CAMK1D: variants seen among roughly 807,000 people sequenced by gnomAD.
CAMK1D encodes calcium/calmodulin dependent protein kinase ID, also known as calcium/calmodulin-dependent protein kinase type 1D.
CAMK1D carries 9 observed loss-of-function variants against 47.7 expected under a neutral mutation model. That is an observed-to-expected ratio of 0.19 (90% CI 0.11 to 0.33). CAMK1D has a LOEUF of 0.33. Ranked by LOEUF, CAMK1D falls within the 10% of genes least tolerant of loss-of-function variation. The pLI, the probability that CAMK1D is intolerant of heterozygous loss-of-function variation, is 1.00. For synonymous variants in CAMK1D, 184 were observed against 184.9 expected (o/e 0.99, Z 0.04); for missense variants, 291 against 488.7 (o/e 0.60, Z 3.81).
chr10:12,563,221 G>A (rs753275965), intron 2 of CAMK1D, among the ~76,000 whole-genome samples: 2 of 152,136 alleles, frequency 1.3e-5, no homozygotes, highest in Non-Finnish European at 2.9e-5. Flanking sequence ...CAGGTGTAGC[G>A]GCACGCACCT....
chr10:12,525,141 G>A (rs565378299), intron 1 of CAMK1D, among the ~76,000 whole-genome samples: 13 of 152,188 alleles, frequency 8.5e-5, no homozygotes, highest in African/African-American at 1.9e-4. Flanking sequence ...GATTTTCTCC[G>A]GCTAGTCTCA....
chr10:12,367,510 T>C (rs902146081), intron 1 of CAMK1D, among the ~76,000 whole-genome samples: 6 of 151,936 alleles, frequency 3.9e-5, no homozygotes, highest in Admixed American at 1.3e-4. Flanking sequence ...CCTATTATTA[T>C]ATTAAAATAT....
At chr10:12,713,517 A>G (rs535010799) in intron 3 of CAMK1D, among the ~76,000 whole-genome samples, 2 of 152,320 alleles carry the variant, frequency 1.3e-5, no homozygotes, top group South Asian at 4.1e-4. Flanking sequence ...ACAGTTGTTC[A>G]CTGGTGGCTT....
At chr10:12,421,066 CT>C (rs1840032889) in intron 1 of CAMK1D, among the ~76,000 whole-genome samples, 1 of 152,160 alleles carries the variant, frequency 6.6e-6, no homozygotes, top group Non-Finnish European at 1.5e-5. Context: ...GCCTTCTACA[CT>C]TTAGGAGACG....
intron 2 of CAMK1D, among the ~76,000 whole-genome samples, chr10:12,647,925 C>T (rs1252112491): frequency 6.6e-6 from 1 of 152,194 alleles, no homozygotes; most frequent in Non-Finnish European, 1.5e-5. Flanking sequence ...TAGGCCAAGG[C>T]AGGTCTGTGT....
chr10:12,797,241 C>G (rs956029607), intron 6 of CAMK1D, among the ~76,000 whole-genome samples: 1 of 151,170 alleles, frequency 6.6e-6, no homozygotes, highest in Non-Finnish European at 1.5e-5. Flanking sequence ...CTTTGTCACC[C>G]AGGCTGGAGT....
chr10:12,363,090 G>T (rs1212272586), intron 1 of CAMK1D, among the ~76,000 whole-genome samples: 1 of 151,564 alleles, frequency 6.6e-6, no homozygotes, highest in Non-Finnish European at 1.5e-5. Flanking sequence ...ACTGGTGCAC[G>T]CCAGCACACC....
chr10:12,432,752 C>A (rs1352498381), intron 1 of CAMK1D, among the ~76,000 whole-genome samples: 1 of 152,206 alleles, frequency 6.6e-6, no homozygotes, highest in Non-Finnish European at 1.5e-5. Context: ...CTTGCTTGCA[C>A]CCTGAAGATT....
chr10:12,684,535 A>G lies in CAMK1D; in HGVS notation c.299+17725A>G, dbSNP rs546479622. The stretch of plus-strand genomic sequence containing the variant: ...TCCTCAATATAGTAGAAGATGATCA[A>G]TTCATGATCTAAATACTAAAAGGCA... On this transcript the variant is annotated intron_variant, in intron 3 of 10. Coordinates refer to ENST00000619168, the MANE Select transcript of CAMK1D (RefSeq NM_153498.4). Among the ~76,000 whole-genome samples the G allele has an allele frequency of 4.6e-5, 7 of 152,344 alleles. No homozygotes were observed. In the South Asian group the frequency reaches 1.5e-3, roughly 32 times the overall value.
chr10:12,613,957 GTAA>G (rs1298481538), intron 2 of CAMK1D, among the ~76,000 whole-genome samples: 2 of 152,190 alleles, frequency 1.3e-5, no homozygotes, highest in Non-Finnish European at 2.9e-5. Flanking sequence ...CAGAGGCTGT[GTAA>G]TAATACCATG....
intron 1 of CAMK1D, among the ~76,000 whole-genome samples, chr10:12,450,475 G>C (rs7901627): frequency 1.3e-5 from 2 of 152,104 alleles, no homozygotes; most frequent in African/African-American, 4.8e-5. Context: ...AGACATAAAC[G>C]TGGCTCTCTA....
At chr10:12,434,740 A>T (rs1832578960) in intron 1 of CAMK1D, among the ~76,000 whole-genome samples, 1 of 152,236 alleles carries the variant, frequency 6.6e-6, no homozygotes. Context: ...TTTGATGTTC[A>T]CCGGGTAATG....
intron 1 of CAMK1D, among the ~76,000 whole-genome samples, chr10:12,516,280 T>C (rs972845983): frequency 2.0e-5 from 3 of 152,280 alleles, no homozygotes; most frequent in African/African-American, 7.2e-5. Flanking sequence ...GGCTAATTTT[T>C]GTATTTTTAG....
intron 2 of CAMK1D, among the ~76,000 whole-genome samples, chr10:12,606,001 A>C (rs1255809065): frequency 3.9e-5 from 6 of 152,222 alleles, no homozygotes; most frequent in Non-Finnish European, 7.3e-5. Context: ...AGCATTGCAA[A>C]GGTCATCGTA....
intron 2 of CAMK1D, among the ~76,000 whole-genome samples, chr10:12,564,703 A>G (rs771948420): frequency 4.6e-5 from 7 of 152,234 alleles, no homozygotes; most frequent in Non-Finnish European, 1.0e-4. Context: ...GAATATTTAA[A>G]AAATAGTTTT....
At chr10:12,735,649 C>A (rs1428642406) in intron 3 of CAMK1D, among the ~76,000 whole-genome samples, 1 of 152,150 alleles carries the variant, frequency 6.6e-6, no homozygotes, top group African/African-American at 2.4e-5. Context: ...AGGTACCAAC[C>A]GTCTCTCTGT....
chr10:12,537,331 C>G (rs945114015), intron 1 of CAMK1D, among the ~76,000 whole-genome samples: 3 of 152,216 alleles, frequency 2.0e-5, no homozygotes, highest in African/African-American at 7.2e-5. Context: ...CTTGACCTCC[C>G]AAAGTGGTAG....
chr10:12,374,127 G>T (rs529210702), intron 1 of CAMK1D, among the ~76,000 whole-genome samples: 1 of 151,444 alleles, frequency 6.6e-6, no homozygotes. Context: ...AGGTGTCATG[G>T]TGGGCATCTG....
rs369436424 is a variant in CAMK1D, at chr10:12,349,930, G to A, written c.92+20G>A. On this transcript the variant is annotated intron_variant, in intron 1 of 10. Coordinates refer to ENST00000619168, the MANE Select transcript of CAMK1D (RefSeq NM_153498.4). ...CGGAACGTAAGTGGGGACCGGGGAG[G>A]CGAGGGTGGAGGTGGCCGCGGCAGG... 233 of 1,489,636 alleles carry A rather than the reference G, an allele frequency of 1.6e-4. 1 individual carries two copies. The South Asian group carries it at 2.6e-3, about 17-fold the overall frequency. The allele number at this position is 1,489,636 out of a possible 1,614,324, so 92.3% of individuals were successfully genotyped here.
Sources: gnomAD v4.1 joint callset for allele counts (sites outside exome capture counted in the v4.1 genomes callset) on GRCh38, gnomAD v4.1.1 for gene constraint, MANE v1.5 for transcripts, NCBI Gene and HGNC (gene_info 2026-07-23, HGNC 2026-07-21) for gene names.